FOXN3: variants seen among roughly 807,000 people sequenced by gnomAD.
FOXN3 encodes the protein forkhead box protein N3.
Under a neutral mutation model 38.4 loss-of-function variants are expected in FOXN3, and 7 were observed. The ratio of observed to expected loss-of-function variants is 0.18; its 90% confidence interval spans 0.10 to 0.34. The LOEUF (loss-of-function observed/expected upper bound fraction) is 0.34. Ranked by LOEUF, FOXN3 falls within the 10% of genes least tolerant of loss-of-function variation. The probability of loss-of-function intolerance (pLI) is 1.00; values close to 1 mark genes in which losing one functional copy is unlikely to be tolerated. For synonymous variants in FOXN3, 230 were observed against 242.2 expected, an observed-to-expected ratio of 0.95 and a Z score of 0.47; for missense variants, 456 against 613.4, an observed-to-expected ratio of 0.74 and a Z score of 2.71.
chr14:89,417,703 G>A (rs1353690888), upstream of FOXN3: 3 of 455,996 alleles, frequency 6.6e-6, no homozygotes, highest in Admixed American at 7.0e-5. Context: ...GTGGGGGTGA[G>A]AAGAGGAGAT....
At chr14:89,291,330 A>G in intron 3 of FOXN3, 1 of 545,322 alleles carries the variant, frequency 1.8e-6, no homozygotes, top group South Asian at 1.5e-5. Context: ...GTTGTTGGTC[A>G]TGAGATGCCA....
intron 1 of FOXN3, among the ~76,000 whole-genome samples, chr14:89,456,429 T>C (rs1892727681): frequency 6.6e-6 from 1 of 152,090 alleles, no homozygotes; most frequent in South Asian, 2.1e-4. Flanking sequence ...GCCTGGCACA[T>C]AGTAGGTGCC....
At chr14:89,571,422 T>C (rs2139895473) in intron 1 of FOXN3, among the ~76,000 whole-genome samples, 1 of 151,796 alleles carries the variant, frequency 6.6e-6, no homozygotes, top group East Asian at 1.9e-4. Context: ...GGCAGGAGAA[T>C]TGCTTGAACC....
At chr14:89,342,130 T>C (rs1454213531) in intron 3 of FOXN3, among the ~76,000 whole-genome samples, 1 of 152,212 alleles carries the variant, frequency 6.6e-6, no homozygotes, top group East Asian at 1.9e-4. Flanking sequence ...AACCAGGGAC[T>C]GAGGGCACCC....
In FOXN3 at chr14:89,162,662, G is replaced by A; in HGVS notation, c.1159C>T (p.Leu387=). 2 of 1,614,024 alleles carry A rather than the reference G, an allele frequency of 1.2e-6. No homozygotes were observed. The highest frequency in any genetic ancestry group is 1.7e-6 in the Non-Finnish European group (2 of 1,179,990). ...TGGGATGCGTACCCGCTGTCCCCCAGAGAATCCTTGGGCTCCTTCTGGCTG... is the reference window on the plus strand; with the variant it reads ...TGGGATGCGTACCCGCTGTCCCCCAAAGAATCCTTGGGCTCCTTCTGGCTG... ...KHSQKEPKDS[L]GDSGYASQHK... The change falls in exon 6 of 6, where the codon CTG becomes TTG. Residue 387 remains leucine (L), a synonymous_variant. Coordinates refer to ENST00000557258, the MANE Select transcript of FOXN3 (RefSeq NM_005197.4). This position sits in a 1 kb window ranked among gnomAD's most constrained non-coding sequence, Gnocchi z 7.2.
intron 1 of FOXN3, among the ~76,000 whole-genome samples, chr14:89,565,808 T>A (rs948573379): frequency 1.3e-5 from 2 of 152,198 alleles, no homozygotes; most frequent in Admixed American, 1.3e-4. Context: ...TCACGTCAGA[T>A]CTGGCCTGCA....
chr14:89,581,019 C>A (rs1413874529), intron 1 of FOXN3, among the ~76,000 whole-genome samples: 19 of 144,536 alleles, frequency 1.3e-4, no homozygotes, highest in African/African-American at 3.9e-4. Context: ...CTCATCTCTA[C>A]AAAAAAAAAA....
At chr14:89,255,032 G>A (rs973457920) in intron 4 of FOXN3, among the ~76,000 whole-genome samples, 1 of 150,622 alleles carries the variant, frequency 6.6e-6, no homozygotes, top group Admixed American at 6.6e-5. Flanking sequence ...GCATTTGGGG[G>A]CAGTGCAAAT....
chr14:89,203,261 C>T (rs187316859), intron 4 of FOXN3, among the ~76,000 whole-genome samples: 87 of 152,278 alleles, frequency 5.7e-4, no homozygotes, highest in African/African-American at 1.9e-3. Flanking sequence ...GAGGGATGTG[C>T]GGTTTCTCAC....
intron 1 of FOXN3, among the ~76,000 whole-genome samples, chr14:89,612,013 T>C (rs991618154): frequency 2.0e-5 from 3 of 151,718 alleles, no homozygotes; most frequent in African/African-American, 7.3e-5. Context: ...TCTTCAACCC[T>C]GGGATAGAAA....
At chr14:89,242,465 A>G (rs1885168665) in intron 4 of FOXN3, among the ~76,000 whole-genome samples, 1 of 152,170 alleles carries the variant, frequency 6.6e-6, no homozygotes, top group South Asian at 2.1e-4. Flanking sequence ...GAGACAAAGA[A>G]TTACTATAAA....
At chr14:89,329,865 A>C (rs1888192722) in intron 3 of FOXN3, among the ~76,000 whole-genome samples, 1 of 74,064 alleles carries the variant, frequency 1.4e-5, no homozygotes, top group East Asian at 3.7e-4. Flanking sequence ...CAAAAAAAAA[A>C]AAAAAAAAAA....
At chr14:89,189,226 C>T (rs1165937527) in intron 4 of FOXN3, among the ~76,000 whole-genome samples, 1 of 152,106 alleles carries the variant, frequency 6.6e-6, no homozygotes, top group East Asian at 1.9e-4. Flanking sequence ...GCCTGGAACT[C>T]CACGTAGTCC....
chr14:89,451,877 G>A (rs1892619253), intron 1 of FOXN3, among the ~76,000 whole-genome samples: 1 of 152,018 alleles, frequency 6.6e-6, no homozygotes. Context: ...CAGTGTTTCC[G>A]GAATCATACC....
chr14:89,180,969 C>CAG (rs370599489), intron 4 of FOXN3, among the ~76,000 whole-genome samples, 163 bp from the exon 5 acceptor site: 4 of 149,888 alleles, frequency 2.7e-5, no homozygotes, highest in East Asian at 3.9e-4. Flanking sequence ...CACACACACA[C>CAG]AGTCACACAG....
chr14:89,323,298 AAAAAAAG>A (rs1460083109), intron 3 of FOXN3, among the ~76,000 whole-genome samples: 52 of 148,918 alleles, frequency 3.5e-4, no homozygotes, highest in Non-Finnish European at 5.5e-4. Context: ...AAAAAAAAAA[AAAAAAAG>A]AAAGAAAGAA....
chr14:89,301,181 G>A (rs946306024), intron 3 of FOXN3, among the ~76,000 whole-genome samples: 22 of 152,162 alleles, frequency 1.4e-4, no homozygotes, highest in African/African-American at 5.3e-4. Context: ...GTGACAAAGT[G>A]ATTTTAAATT....
intron 1 of FOXN3, among the ~76,000 whole-genome samples, chr14:89,572,667 A>G (rs564233830): frequency 3.4e-4 from 52 of 152,362 alleles, no homozygotes; most frequent in African/African-American, 1.3e-3. Flanking sequence ...GAACTCTGAC[A>G]TGTTTACAAA....
At chr14:89,165,096 G>A (rs1421289767) in intron 5 of FOXN3, among the ~76,000 whole-genome samples, 3 of 152,182 alleles carry the variant, frequency 2.0e-5, no homozygotes, top group Admixed American at 6.5e-5. Context: ...CTTACAATGT[G>A]TGCATTTGTA....
Sources: gnomAD v4.1 joint callset for allele counts (sites outside exome capture counted in the v4.1 genomes callset) on GRCh38, gnomAD v4.1.1 for gene constraint, Gnocchi (gnomAD v3.1) non-coding constraint, MANE v1.5 for transcripts, NCBI Gene and HGNC (gene_info 2026-07-23, HGNC 2026-07-21) for gene names.